Variants in ZNF385B observed in about 807,000 individuals in gnomAD.
ZNF385B encodes the protein zinc finger protein 385B, also known as zinc finger protein 533.
ZNF385B carries 23 observed loss-of-function variants against 39.2 expected under a neutral mutation model. The ratio of observed to expected loss-of-function variants is 0.59; its 90% CI spans 0.42 to 0.83. ZNF385B has a LOEUF of 0.83. Among genes scored for constraint, ZNF385B ranks in the 40% least tolerant of loss-of-function variants. The probability of loss-of-function intolerance (pLI) is 0.00; values close to 1 mark genes in which losing one functional copy is unlikely to be tolerated. For synonymous variants in ZNF385B, 205 were observed against 222.6 expected, an observed-to-expected ratio of 0.92 and a Z score of 0.70; for missense variants, 552 against 598.9, an observed-to-expected ratio of 0.92 and a Z score of 0.82.
intron 5 of ZNF385B, among the ~76,000 whole-genome samples, chr2:179,490,607 C>T (rs1366767995): frequency 2.2e-5 from 3 of 136,536 alleles, no homozygotes; most frequent in Non-Finnish European, 3.2e-5. Flanking sequence ...TAAAAATCAG[C>T]TGGAATATAG....
At chr2:179,451,787 A>G (rs922551748) in intron 6 of ZNF385B, among the ~76,000 whole-genome samples, 4 of 152,114 alleles carry the variant, frequency 2.6e-5, no homozygotes, top group Non-Finnish European at 4.4e-5. Context: ...ATAAACTTCA[A>G]AGCCTAATCT....
At chr2:179,619,419 A>G (rs1690025450) in intron 3 of ZNF385B, among the ~76,000 whole-genome samples, 1 of 152,168 alleles carries the variant, frequency 6.6e-6, no homozygotes, top group African/African-American at 2.4e-5. Flanking sequence ...CAACATGTAT[A>G]CCCAATAGCT....
rs1702566012 is a variant in ZNF385B, at chr2:179,749,697, A to G, written c.298+19806T>C. On this transcript the variant is annotated intron_variant, in intron 3 of 9. Coordinates refer to ENST00000410066, the MANE Select transcript of ZNF385B (RefSeq NM_152520.6). Reference sequence around the variant, plus strand: ...AACCCTTCTCCCCAGATTAGTTTAAAATGGGTAACACTTCTATTCCAGGCA... The same window carrying G: ...AACCCTTCTCCCCAGATTAGTTTAAGATGGGTAACACTTCTATTCCAGGCA... Among the ~76,000 whole-genome samples the G allele has an allele frequency of 4.6e-5, 7 of 152,212 alleles. No individual in the cohort carries two copies. The South Asian group carries it at 1.5e-3, about 32-fold the overall frequency.
chr2:179,668,681 A>G lies in ZNF385B; in HGVS notation c.298+100822T>C, dbSNP rs1243965767. ...TTAGTTTCTGCTGAGAGGAGGGTCT[A>G]CAAAAATTCATTGCTACTACCTCAT... On this transcript the variant is annotated intron_variant, in intron 3 of 9. Coordinates refer to ENST00000410066, the MANE Select transcript of ZNF385B (RefSeq NM_152520.6). Among the ~76,000 whole-genome samples, 5 of 150,964 alleles carry G rather than the reference A, an allele frequency of 3.3e-5. No individual in the cohort carries two copies. In the East Asian group the frequency reaches 9.7e-4, roughly 29 times the overall value.
At position 179,830,283 on chromosome 2, in the gene ZNF385B, C is replaced by T. The variant is rs147415355; in HGVS notation, c.-155+30818G>A. Among the ~76,000 whole-genome samples, 894 of 152,296 alleles carry T rather than the reference C, an allele frequency of 5.9e-3. 14 individuals carry two copies. The highest frequency in any genetic ancestry group is 0.021 in the African/African-American group (866 of 41,560). On this transcript the variant is annotated intron_variant, in intron 1 of 9. Coordinates refer to ENST00000410066, the MANE Select transcript of ZNF385B (RefSeq NM_152520.6). ...ACTCTCATTCATTGCTGTGGAGATG[C>T]AAAATGGTTCAGGCACTTTGAAAAA...
At chr2:179,840,442 TG>T (rs1708481443) in intron 1 of ZNF385B, among the ~76,000 whole-genome samples, 1 of 152,202 alleles carries the variant, frequency 6.6e-6, no homozygotes, top group Non-Finnish European at 1.5e-5. Flanking sequence ...TGTCTTTGTT[TG>T]GAAAGATTTT....
chr2:179,571,061 G>A (rs1685155493), intron 3 of ZNF385B, among the ~76,000 whole-genome samples: 1 of 152,160 alleles, frequency 6.6e-6, no homozygotes, highest in Non-Finnish European at 1.5e-5. Context: ...TTTGATTAAA[G>A]TAGAATATAT....
intron 3 of ZNF385B, among the ~76,000 whole-genome samples, chr2:179,592,792 G>A (rs1687677238): frequency 6.6e-6 from 1 of 152,032 alleles, no homozygotes; most frequent in African/African-American, 2.4e-5. Flanking sequence ...CTCATGGAAG[G>A]TTTTTGGCAA....
Position 179,454,516 on chromosome 2 carries a change from AT to A in ZNF385B, c.716-7747del, listed in dbSNP as rs2050482180. ...GTGTACTCCTTCCATTTATAAAAAA[AT>A]TAAAGTTATCTGTAAAATGGCCTCA... On this transcript the variant is annotated intron_variant, in intron 6 of 9. Transcript: ENST00000410066. Among the ~76,000 whole-genome samples the A allele has an allele frequency of 3.9e-5, 6 of 152,022 alleles. No homozygotes were observed. The South Asian group carries it at 1.2e-3, about 32-fold the overall frequency.
intron 3 of ZNF385B, among the ~76,000 whole-genome samples, chr2:179,758,115 T>G (rs1559167529): frequency 6.6e-6 from 1 of 152,172 alleles, no homozygotes; most frequent in Non-Finnish European, 1.5e-5. Flanking sequence ...TTAAAATTTC[T>G]AAGGCCAAAT....
At chr2:179,824,878 T>TAA (rs35256018) in intron 1 of ZNF385B, among the ~76,000 whole-genome samples, 2 of 142,578 alleles carry the variant, frequency 1.4e-5, no homozygotes, top group African/African-American at 5.1e-5. Context: ...TAGTCTGATT[T>TAA]AAAAAAAAAA....
intron 9 of ZNF385B, 77 bp downstream of exon 9, chr2:179,444,799 G>T: frequency 8.5e-7 from 1 of 1,180,602 alleles, no homozygotes; most frequent in Non-Finnish European, 1.3e-6. Context: ...TAGACTCTAT[G>T]CCCTCCTTGC....
chr2:179,462,125 T>C (rs543406062), intron 6 of ZNF385B, among the ~76,000 whole-genome samples: 1 of 152,330 alleles, frequency 6.6e-6, no homozygotes, highest in South Asian at 2.1e-4. Context: ...AAAGGACTGA[T>C]GGTCACATTC....
chr2:179,683,066 C>A (rs1371775132), intron 3 of ZNF385B, among the ~76,000 whole-genome samples: 1 of 152,074 alleles, frequency 6.6e-6, no homozygotes, highest in Non-Finnish European at 1.5e-5. Context: ...TAAAAAAAGT[C>A]CCCCACAGTC....
chr2:179,570,341 T>C (rs1685069912), intron 3 of ZNF385B, among the ~76,000 whole-genome samples: 1 of 152,204 alleles, frequency 6.6e-6, no homozygotes, highest in Non-Finnish European at 1.5e-5. Context: ...CTGTGATCTA[T>C]TCTTTAATAA....
intron 3 of ZNF385B, among the ~76,000 whole-genome samples, chr2:179,645,884 T>C (rs184406359): frequency 6.6e-6 from 1 of 152,260 alleles, no homozygotes; most frequent in East Asian, 1.9e-4. Context: ...TTCATGCCCA[T>C]ATGCACTCTT....
chr2:179,827,636 G>A (rs187944323), intron 1 of ZNF385B, among the ~76,000 whole-genome samples: 5 of 152,130 alleles, frequency 3.3e-5, no homozygotes, highest in Middle Eastern at 3.4e-3. Flanking sequence ...GAACTGCCCC[G>A]CATTTCCTAG....
intron 3 of ZNF385B, among the ~76,000 whole-genome samples, chr2:179,639,561 A>T (rs1007820542): frequency 3.3e-5 from 5 of 152,282 alleles, no homozygotes; most frequent in African/African-American, 1.2e-4. Flanking sequence ...AAACAAAATT[A>T]TCAAGCTAAA....
At chr2:179,547,960 T>C (rs922671302) in intron 3 of ZNF385B, among the ~76,000 whole-genome samples, 2 of 149,794 alleles carry the variant, frequency 1.3e-5, no homozygotes, top group Admixed American at 1.3e-4. Flanking sequence ...AATTAATTCC[T>C]AGGCATTTAA....
Sources: allele counts gnomAD v4.1 joint callset (sites outside exome capture counted in the v4.1 genomes callset), GRCh38; gene constraint gnomAD v4.1.1; transcripts MANE v1.5; gene names NCBI Gene and HGNC (gene_info 2026-07-23, HGNC 2026-07-21).